The following DPYD variants were observed in gnomAD, a reference collection of about 807,000 sequenced individuals.
DPYD encodes the protein dihydropyrimidine dehydrogenase [NADP(+)].
DPYD carries 109 observed loss-of-function variants against 116.2 expected under a neutral mutation model. That is an observed-to-expected ratio of 0.94 (90% CI 0.80 to 1.10). DPYD has a LOEUF of 1.10. Ranked by LOEUF, DPYD falls within the 50% of genes least tolerant of loss-of-function variation. The pLI, the probability that DPYD is intolerant of heterozygous loss-of-function variation, is 0.00. For missense variants in DPYD, 1,302 were observed against 1,254.5 expected, an observed-to-expected ratio of 1.04 and a Z score of -0.57; for synonymous variants, 440 against 432.0, an observed-to-expected ratio of 1.02 and a Z score of -0.23.
chr1:97,341,874 A>G (rs1371912165), intron 16 of DPYD, among the ~76,000 whole-genome samples: 1 of 152,114 alleles, frequency 6.6e-6, no homozygotes, highest in Non-Finnish European at 1.5e-5. Context: ...TGGTAGCTTG[A>G]AATTGGCTAT....
At chr1:97,282,102 A>G (rs1334174565) in intron 18 of DPYD, among the ~76,000 whole-genome samples, 1 of 152,076 alleles carries the variant, frequency 6.6e-6, no homozygotes, top group Non-Finnish European at 1.5e-5. Context: ...TTGATATTAA[A>G]CCTACACTGA....
intron 10 of DPYD, 37 bp from the exon 11 acceptor site, chr1:97,574,007 G>C (rs2102185422): frequency 6.2e-7 from 1 of 1,608,216 alleles, no homozygotes; most frequent in Non-Finnish European, 8.5e-7. Context: ...ACTTGAAAAT[G>C]TTTCTTATTC....
intron 14 of DPYD, among the ~76,000 whole-genome samples, chr1:97,385,722 G>A (rs915837245): frequency 1.4e-4 from 22 of 151,988 alleles, no homozygotes; most frequent in African/African-American, 1.9e-4. Flanking sequence ...AACCTTTCTC[G>A]TGGGCTGAAT....
intron 19 of DPYD, among the ~76,000 whole-genome samples, chr1:97,219,318 A>G (rs998404569): frequency 2.0e-5 from 3 of 152,318 alleles, no homozygotes; most frequent in South Asian, 2.1e-4. Flanking sequence ...AGAGTGGCAA[A>G]ATCTATTCTC....
At chr1:97,888,829 T>G (rs1334086916) in intron 1 of DPYD, among the ~76,000 whole-genome samples, 1 of 152,022 alleles carries the variant, frequency 6.6e-6, no homozygotes, top group East Asian at 1.9e-4. Context: ...ATAAGAGAAT[T>G]TGTTATTAGC....
intron 2 of DPYD, among the ~76,000 whole-genome samples, chr1:97,882,756 A>G (rs777571805): frequency 2.0e-5 from 3 of 151,972 alleles, no homozygotes; most frequent in Non-Finnish European, 4.4e-5. Context: ...TCACCTGGAA[A>G]TATTAGGTGT....
chr1:97,096,149 T>C (rs1471707900), intron 21 of DPYD, among the ~76,000 whole-genome samples: 2 of 152,208 alleles, frequency 1.3e-5, no homozygotes, highest in South Asian at 2.1e-4. Flanking sequence ...GAAATCTTTA[T>C]CTACATCCAA....
chr1:97,782,001 T>C (rs1239498143), intron 3 of DPYD, among the ~76,000 whole-genome samples: 1 of 152,180 alleles, frequency 6.6e-6, no homozygotes, highest in East Asian at 1.9e-4. Flanking sequence ...GTCAGGCCTG[T>C]GTCTCATTCC....
At position 97,274,713 on chromosome 1, in the gene DPYD, G is replaced by A. The variant is rs115905839; in HGVS notation, c.2299+30546C>T. Among the ~76,000 whole-genome samples, 378 of 152,130 alleles carry A rather than the reference G, an allele frequency of 2.5e-3. 2 individuals are homozygous for A. Among genetic ancestry groups the A allele is most frequent in the East Asian group, 6.0e-3 (31 of 5,168 alleles). On this transcript the variant is annotated intron_variant, in intron 18 of 22. Transcript: ENST00000370192. ...CTGCCATTACTTTCAATGGCAAAAC[G>A]CGCAATTACTTTTGCACCAACATAA... is the stretch of plus-strand genomic sequence containing the variant.
intron 14 of DPYD, among the ~76,000 whole-genome samples, chr1:97,386,840 A>C (rs1672376227): frequency 6.6e-6 from 1 of 152,082 alleles, no homozygotes; most frequent in Admixed American, 6.6e-5. Flanking sequence ...TAAAAGAGTC[A>C]GGCTAAAAGA....
At chr1:97,229,365 A>G (rs1301038577) in intron 19 of DPYD, among the ~76,000 whole-genome samples, 1 of 150,500 alleles carries the variant, frequency 6.6e-6, no homozygotes, top group African/African-American at 2.4e-5. Context: ...TTTCTCTAAT[A>G]ATATTCAACA....
intron 8 of DPYD, among the ~76,000 whole-genome samples, chr1:97,667,429 T>G (rs910741005): frequency 2.0e-5 from 3 of 152,238 alleles, no homozygotes; most frequent in South Asian, 4.1e-4. Flanking sequence ...CTTAAAAATT[T>G]TTTTTATCTA....
At chr1:97,266,603 A>G (rs903187324) in intron 18 of DPYD, among the ~76,000 whole-genome samples, 1 of 152,134 alleles carries the variant, frequency 6.6e-6, no homozygotes, top group African/African-American at 2.4e-5. Context: ...ATAGGTATAC[A>G]TGTGCCATGT....
chr1:97,242,961 T>C (rs1054486041), intron 18 of DPYD, among the ~76,000 whole-genome samples: 1 of 151,892 alleles, frequency 6.6e-6, no homozygotes, highest in Admixed American at 6.6e-5. Context: ...GGGCTTATCC[T>C]ATGTAGCAAA....
intron 16 of DPYD, among the ~76,000 whole-genome samples, chr1:97,349,491 C>T (rs1418038580): frequency 6.6e-6 from 1 of 152,096 alleles, no homozygotes; most frequent in African/African-American, 2.4e-5. Context: ...TGCTATCCCT[C>T]GCCCCTGCCC....
In DPYD at chr1:97,694,859, C is replaced by A. The variant is rs569287333; in HGVS notation, c.681-3061G>T. Among the ~76,000 whole-genome samples, 29 of 152,270 alleles carry A rather than the reference C, an allele frequency of 1.9e-4. No homozygotes were observed. The South Asian group carries it at 5.2e-3, about 27-fold the overall frequency. ...GTCCTCTGCCAAAATAAAAAAAATT[C>A]TCTGGTGAGTCTAAATTCTAAACAA... On this transcript the variant is annotated intron_variant, in intron 6 of 22. Transcript: ENST00000370192.
intron 2 of DPYD, among the ~76,000 whole-genome samples, chr1:97,829,739 A>C (rs1377261781): frequency 2.0e-5 from 3 of 151,886 alleles, no homozygotes; most frequent in African/African-American, 7.3e-5. Flanking sequence ...ATCCTACTGC[A>C]ATCTTTTTTT....
At chr1:97,649,081 A>G (rs953994233) in intron 8 of DPYD, among the ~76,000 whole-genome samples, 2 of 152,088 alleles carry the variant, frequency 1.3e-5, no homozygotes, top group Admixed American at 6.6e-5. Context: ...GGCTACATTA[A>G]TATTTAACAT....
chr1:97,524,173 G>A lies in DPYD; in HGVS notation c.1525-8232C>T, dbSNP rs577467673. ...ATGGTCAAGTTGAAACTCACAAACT[G>A]CAGGAATATAGTCATTGGGGTCCCT... On this transcript the variant is annotated intron_variant, in intron 12 of 22. Coordinates refer to ENST00000370192, the MANE Select transcript of DPYD (RefSeq NM_000110.4). 2.7e-4 allele frequency among the ~76,000 whole-genome samples: 41 copies of A among 152,250 alleles called. 2 individuals are homozygous for A. The highest frequency in any genetic ancestry group is 9.6e-4 in the African/African-American group (40 of 41,564).
Sources: gnomAD v4.1 joint callset for allele counts (sites outside exome capture counted in the v4.1 genomes callset) on GRCh38, gnomAD v4.1.1 for gene constraint, MANE v1.5 for transcripts, NCBI Gene and HGNC (gene_info 2026-07-23, HGNC 2026-07-21) for gene names.